The following CDK6 variants were observed in gnomAD, a reference collection of about 807,000 sequenced individuals.
CDK6 encodes the protein cyclin dependent kinase 6, also known as cyclin-dependent kinase 6.
Under a neutral mutation model 37.1 loss-of-function variants are expected in CDK6, and 6 were observed. The ratio of observed to expected loss-of-function variants is 0.16; its 90% CI spans 0.09 to 0.32. The LOEUF (loss-of-function observed/expected upper bound fraction) is 0.32, where lower values mean the gene tolerates loss of function less well. Ranked by LOEUF, CDK6 falls within the 10% of genes least tolerant of loss-of-function variation. The pLI, the probability that CDK6 is intolerant of heterozygous loss-of-function variation, is 1.00. For missense variants in CDK6, 224 were observed against 418.9 expected, an observed-to-expected ratio of 0.53 and a Z score of 4.06; for synonymous variants, 160 against 161.3, an observed-to-expected ratio of 0.99 and a Z score of 0.06.
At chr7:92,764,697 C>A (rs993653440) in intron 3 of CDK6, among the ~76,000 whole-genome samples, 1 of 152,184 alleles carries the variant, frequency 6.6e-6, no homozygotes, top group Non-Finnish European at 1.5e-5. Flanking sequence ...TCATAACTGG[C>A]ACTATGGGGT....
chr7:92,761,793 C>T (rs1053406589), intron 3 of CDK6, among the ~76,000 whole-genome samples: 2 of 152,192 alleles, frequency 1.3e-5, no homozygotes, highest in Non-Finnish European at 2.9e-5. Flanking sequence ...GAAGTCCTTT[C>T]TCTTCATGTG....
At chr7:92,734,155 T>G (rs1798720248) in intron 3 of CDK6, among the ~76,000 whole-genome samples, 1 of 152,236 alleles carries the variant, frequency 6.6e-6, no homozygotes, top group Non-Finnish European at 1.5e-5. Context: ...ATTGAGTCTT[T>G]CCTTTTCTTC....
At chr7:92,658,988 G>A (rs1196036040) in intron 5 of CDK6, among the ~76,000 whole-genome samples, 1 of 152,186 alleles carries the variant, frequency 6.6e-6, no homozygotes, top group Non-Finnish European at 1.5e-5. Context: ...TAATTCAGGA[G>A]AAGAAGGCCA....
chr7:92,833,026 T>G lies in CDK6; in HGVS notation c.233+65A>C. 8.4e-7 allele frequency: 1 copy of G among 1,186,962 alleles called. No homozygotes were observed. Among genetic ancestry groups the G allele is most frequent in the Non-Finnish European group, 1.2e-6 (1 of 837,034 alleles). 73.5% of individuals were successfully genotyped at this position (1,186,962 alleles called of 1,614,324 possible). A position where few individuals can be genotyped will look rare whatever the true frequency, so the allele number is the denominator to read the frequency against. Reference sequence around the variant, plus strand: ...CCCGCACCTTTCTGGGCCTGAGGATTCCCGGCTCGGCCCTCCCCGCGCGCG... The same window carrying G: ...CCCGCACCTTTCTGGGCCTGAGGATGCCCGGCTCGGCCCTCCCCGCGCGCG... On this transcript the variant is annotated intron_variant, in intron 2 of 7. Transcript: ENST00000424848. This position sits in a 1 kb window ranked among gnomAD's most constrained non-coding sequence, Gnocchi z 6.1.
chr7:92,710,471 C>T (rs917205742), intron 4 of CDK6, among the ~76,000 whole-genome samples: 12 of 152,106 alleles, frequency 7.9e-5, no homozygotes, highest in Admixed American at 4.6e-4. Context: ...ATTCGGTTAT[C>T]GGAACCAAGA....
At chr7:92,643,357 C>T (rs1330356015) in intron 5 of CDK6, among the ~76,000 whole-genome samples, 1 of 152,244 alleles carries the variant, frequency 6.6e-6, no homozygotes, top group Non-Finnish European at 1.5e-5. Flanking sequence ...TAGCACGCTT[C>T]AGCAGCTCAT....
chr7:92,732,893 G>T (rs1388772569), intron 3 of CDK6, among the ~76,000 whole-genome samples: 15 of 152,192 alleles, frequency 9.9e-5, no homozygotes, highest in Admixed American at 9.8e-4. Context: ...TAAAAGGCCA[G>T]AGTGTAAACA....
chr7:92,717,718 C>T (rs1798264929), intron 4 of CDK6, among the ~76,000 whole-genome samples: 1 of 152,142 alleles, frequency 6.6e-6, no homozygotes, highest in Non-Finnish European at 1.5e-5. Flanking sequence ...TATGAAGGAG[C>T]TAGAATTAGG....
chr7:92,817,303 C>T (rs115266859), intron 2 of CDK6, among the ~76,000 whole-genome samples: 34 of 152,012 alleles, frequency 2.2e-4, no homozygotes, highest in African/African-American at 8.2e-4. Context: ...AAAAAGGCTA[C>T]ATCATGACCA....
intron 4 of CDK6, among the ~76,000 whole-genome samples, chr7:92,713,667 T>TAAAAAAAAAAA (rs535072218): frequency 1.7e-3 from 115 of 66,956 alleles, no homozygotes; most frequent in Non-Finnish European, 2.4e-3. Context: ...TTAAAAAAAG[T>TAAAAAAAAAAA]AAAAAAAAAA....
chr7:92,771,299 A>AT (rs948888988), intron 3 of CDK6, among the ~76,000 whole-genome samples: 2 of 150,850 alleles, frequency 1.3e-5, no homozygotes, highest in African/African-American at 2.4e-5. Context: ...CAAAAAAAAA[A>AT]AAATAAATAA....
rs1795841925 is a variant in CDK6, at chr7:92,623,093, G to C, written c.648-7C>G. ...ACTTCCACGAAAAAGAGGCCTAAAA[G>C]AATAAAGATACATTTTAAATAAGAA... On this transcript the variant is annotated splice_region_variant and splice_polypyrimidine_tract_variant and intron_variant, in intron 5 of 7. Transcript: ENST00000424848. 1 of 1,546,734 alleles carries C rather than the reference G, an allele frequency of 6.5e-7. No individual in the cohort carries two copies.
chr7:92,804,603 G>GTTAATGCTA (rs1800673659), intron 2 of CDK6, among the ~76,000 whole-genome samples: 1 of 152,128 alleles, frequency 6.6e-6, no homozygotes, highest in African/African-American at 2.4e-5. Flanking sequence ...CTAGATGGTT[G>GTTAATGCTA]GACTTATGTG....
At chr7:92,669,807 C>G (rs1296842030) in intron 5 of CDK6, among the ~76,000 whole-genome samples, 1 of 152,246 alleles carries the variant, frequency 6.6e-6, no homozygotes, top group African/African-American at 2.4e-5. Context: ...CCTGGTCATA[C>G]TGTCATCCAA....
intron 5 of CDK6, among the ~76,000 whole-genome samples, chr7:92,657,105 T>TAA (rs111745062): frequency 1.8e-3 from 263 of 146,184 alleles, no homozygotes; most frequent in African/African-American, 6.0e-3. Context: ...GTTTTTCTCT[T>TAA]AAAAAAAAAA....
intron 4 of CDK6, among the ~76,000 whole-genome samples, chr7:92,706,209 T>C (rs1257918580): frequency 6.6e-6 from 1 of 152,220 alleles, no homozygotes. Context: ...ATCGGTGGAA[T>C]ACAAAATGGC....
At chr7:92,751,645 A>G (rs957347085) in intron 3 of CDK6, among the ~76,000 whole-genome samples, 9 of 152,180 alleles carry the variant, frequency 5.9e-5, no homozygotes, top group Non-Finnish European at 1.3e-4. Flanking sequence ...GTATTCCTCA[A>G]TGGTTGTAAA....
chr7:92,692,669 C>T (rs1314471452), intron 4 of CDK6, among the ~76,000 whole-genome samples: 3 of 151,928 alleles, frequency 2.0e-5, no homozygotes, highest in Non-Finnish European at 2.9e-5. Flanking sequence ...CCCGTGGTCC[C>T]GGCTACTCTG....
chr7:92,620,003 T>C (rs1016346591), intron 6 of CDK6, among the ~76,000 whole-genome samples: 1 of 152,170 alleles, frequency 6.6e-6, no homozygotes, highest in African/African-American at 2.4e-5. Flanking sequence ...GCTTTAAAAA[T>C]TTCCTTTCAT....
Sources: allele counts gnomAD v4.1 joint callset (sites outside exome capture counted in the v4.1 genomes callset), GRCh38; gene constraint gnomAD v4.1.1; non-coding constraint Gnocchi (gnomAD v3.1); transcripts MANE v1.5; gene names NCBI Gene and HGNC (gene_info 2026-07-23, HGNC 2026-07-21).